ZBTB16: variants seen among roughly 807,000 people sequenced by gnomAD.
ZBTB16 encodes zinc finger and BTB domain-containing protein 16.
A neutral mutation model predicts 56.8 loss-of-function variants in ZBTB16; 8 were observed. The ratio of observed to expected loss-of-function variants is 0.14; its 90% CI spans 0.08 to 0.25. The LOEUF is 0.25. Among genes scored for constraint, ZBTB16 ranks in the 10% least tolerant of loss-of-function variants. The pLI is 1.00. For missense variants in ZBTB16, 625 were observed against 903.0 expected (o/e 0.69, Z 3.95); for synonymous variants, 363 against 368.5 (o/e 0.98, Z 0.17).
intron 2 of ZBTB16, among the ~76,000 whole-genome samples, chr11:114,116,146 T>C (rs1358539409): frequency 6.6e-6 from 1 of 152,206 alleles, no homozygotes; most frequent in Admixed American, 6.5e-5. Flanking sequence ...TATGGGTACA[T>C]GTGTTTAAGT....
chr11:114,127,905 T>C (rs1391712354), intron 2 of ZBTB16, among the ~76,000 whole-genome samples: 1 of 152,154 alleles, frequency 6.6e-6, no homozygotes, highest in Non-Finnish European at 1.5e-5. Flanking sequence ...TGTCTTGGGA[T>C]GGAGCTGCAG....
At chr11:114,229,446 G>C (rs1565697521) in intron 4 of ZBTB16, among the ~76,000 whole-genome samples, 1 of 152,158 alleles carries the variant, frequency 6.6e-6, no homozygotes, top group African/African-American at 2.4e-5. Flanking sequence ...TTTTAAAGGG[G>C]ACGTGTCTCT....
intron 4 of ZBTB16, among the ~76,000 whole-genome samples, chr11:114,197,486 T>C (rs933445300): frequency 2.0e-5 from 3 of 152,120 alleles, no homozygotes; most frequent in Admixed American, 2.0e-4. Context: ...CTGTGTGGCC[T>C]CCCCCTTTGG....
rs1353127141 is a variant in ZBTB16, at chr11:114,253,796, A to T, written c.*3241A>T. On this transcript the variant is annotated 3_prime_UTR_variant, in exon 7 of 7. Coordinates refer to ENST00000335953, the MANE Select transcript of ZBTB16 (RefSeq NM_006006.6). ...CCTAGTGGCCAGGGGGCAAGCTAAGAGGCTGTCTGGAGGCTTTATATGTGT... is the reference window on the plus strand; with the variant it reads ...CCTAGTGGCCAGGGGGCAAGCTAAGTGGCTGTCTGGAGGCTTTATATGTGT... 8.5e-5 allele frequency among the ~76,000 whole-genome samples: 13 copies of T among 152,218 alleles called. No individual in the cohort carries two copies. Among genetic ancestry groups the T allele is most frequent in the Admixed American group, 8.5e-4 (13 of 15,284 alleles).
intron 2 of ZBTB16, among the ~76,000 whole-genome samples, chr11:114,088,420 G>A (rs1305559247): frequency 6.6e-6 from 1 of 152,156 alleles, no homozygotes; most frequent in African/African-American, 2.4e-5. Flanking sequence ...AGGATTACAG[G>A]TGTGAGTCAC....
chr11:114,068,945 C>G (rs1939226445), intron 2 of ZBTB16, among the ~76,000 whole-genome samples: 1 of 152,222 alleles, frequency 6.6e-6, no homozygotes, highest in African/African-American at 2.4e-5. Flanking sequence ...TCTCCCATGG[C>G]TCACGCAGCT....
At chr11:114,110,025 G>A (rs1426433072) in intron 2 of ZBTB16, among the ~76,000 whole-genome samples, 1 of 152,054 alleles carries the variant, frequency 6.6e-6, no homozygotes. Flanking sequence ...ATTTAACGTT[G>A]TAACATTTTG....
intron 4 of ZBTB16, among the ~76,000 whole-genome samples, chr11:114,229,081 C>T (rs779802393): frequency 6.6e-5 from 10 of 152,192 alleles, no homozygotes; most frequent in Admixed American, 5.9e-4. Flanking sequence ...TGAAGTCAAA[C>T]GTCTCAAAGT....
chr11:114,187,238 C>A, intron 4 of ZBTB16, 200 bp downstream of exon 4: 1 of 669,960 alleles, frequency 1.5e-6, no homozygotes, highest in Non-Finnish European at 2.7e-6. Flanking sequence ...ACAAGTATGA[C>A]ATGGCCCCAT....
rs534884001 is a variant in ZBTB16 at position 114,119,040 on chromosome 11, G to A, written c.1269-37297G>A. ...AGCACTTTGGGAGGCTGAGGCAGGC[G>A]GATCACCTGAGGTCAGGAGTTTGAG... is the stretch of plus-strand genomic sequence containing the variant. On this transcript the variant is annotated intron_variant, in intron 2 of 6. Transcript: ENST00000335953. 1.6e-4 allele frequency among the ~76,000 whole-genome samples: 24 copies of A among 151,978 alleles called. 1 individual carries two copies. The South Asian group carries it at 4.8e-3, about 30-fold the overall frequency.
chr11:114,207,820 A>G (rs1278262165), intron 4 of ZBTB16, among the ~76,000 whole-genome samples: 1 of 152,006 alleles, frequency 6.6e-6, no homozygotes, highest in Non-Finnish European at 1.5e-5. Context: ...CACTATGTTG[A>G]CCAGGCTGGT....
intron 4 of ZBTB16, among the ~76,000 whole-genome samples, chr11:114,237,796 G>A (rs1332275770): frequency 6.6e-6 from 1 of 152,122 alleles, no homozygotes; most frequent in East Asian, 1.9e-4. Flanking sequence ...AGCTTTTCTT[G>A]TGTCTCATCC....
At chr11:114,062,722 G>A (rs888464975) in intron 1 of ZBTB16, among the ~76,000 whole-genome samples, 1 of 152,070 alleles carries the variant, frequency 6.6e-6, no homozygotes, top group Non-Finnish European at 1.5e-5. Context: ...CTCTGCTTCT[G>A]GGGCTCCTGT....
intron 3 of ZBTB16, among the ~76,000 whole-genome samples, chr11:114,178,107 A>G (rs1400857504): frequency 6.6e-6 from 1 of 152,128 alleles, no homozygotes; most frequent in Non-Finnish European, 1.5e-5. Flanking sequence ...CTGGGGAAGA[A>G]TGATCTGACC....
intron 2 of ZBTB16, among the ~76,000 whole-genome samples, chr11:114,124,557 C>CAAAAAAAAAAAAAAAAAAAA (rs1381254014): frequency 7.3e-5 from 3 of 41,056 alleles, no homozygotes; most frequent in African/African-American, 1.1e-4. Context: ...AAAAAAAAAC[C>CAAAAAAAAAAAAAAAAAAAA]AAAAAAAAAA....
chr11:114,177,613 C>G (rs1356403184), intron 3 of ZBTB16, among the ~76,000 whole-genome samples: 2 of 152,016 alleles, frequency 1.3e-5, no homozygotes, highest in African/African-American at 4.8e-5. Context: ...GTTGGCAAAG[C>G]ATGTCTGGAA....
chr11:114,193,785 G>T (rs1943550800), intron 4 of ZBTB16, among the ~76,000 whole-genome samples: 6 of 152,130 alleles, frequency 3.9e-5, no homozygotes. Flanking sequence ...AAAAAGAGAA[G>T]GAATGGAGAC....
At chr11:114,083,932 C>G (rs1939871484) in intron 2 of ZBTB16, among the ~76,000 whole-genome samples, 1 of 152,088 alleles carries the variant, frequency 6.6e-6, no homozygotes, top group Non-Finnish European at 1.5e-5. Context: ...TCAGATACTT[C>G]CAGGATGATA....
At chr11:114,085,466 G>A (rs984066582) in intron 2 of ZBTB16, among the ~76,000 whole-genome samples, 2 of 152,040 alleles carry the variant, frequency 1.3e-5, no homozygotes, top group African/African-American at 4.8e-5. Flanking sequence ...AGAGTTCACT[G>A]TAAAACAGAA....
Sources: gnomAD v4.1 joint callset for allele counts (sites outside exome capture counted in the v4.1 genomes callset) on GRCh38, gnomAD v4.1.1 for gene constraint, MANE v1.5 for transcripts, NCBI Gene and HGNC (gene_info 2026-07-23, HGNC 2026-07-21) for gene names.